USP24: variants seen among roughly 807,000 people sequenced by gnomAD.
USP24 encodes ubiquitin specific peptidase 24.
USP24 carries 97 observed loss-of-function variants against 361.6 expected under a neutral mutation model. The observed-to-expected ratio is 0.27, with a 90% CI of 0.23 to 0.32. The LOEUF (loss-of-function observed/expected upper bound fraction) is 0.32, where lower values mean the gene tolerates loss of function less well. Among genes scored for constraint, USP24 ranks in the 10% least tolerant of loss-of-function variants. The pLI is 1.00. For missense variants in USP24, 2,353 were observed against 3,165.6 expected (o/e 0.74, Z 6.16); for synonymous variants, 1,098 against 1,124.6 (o/e 0.98, Z 0.47).
intron 59 of USP24, 139 bp from the exon 60 acceptor site, chr1:55,079,798 ACTCACACACTGAG>A: frequency 2.6e-6 from 3 of 1,145,656 alleles, no homozygotes; most frequent in Non-Finnish European, 3.5e-6. Flanking sequence ...CACACTGAGT[ACTCACACACTGAG>A]TACTCGCAGA....
intron 7 of USP24, among the ~76,000 whole-genome samples, chr1:55,164,231 AAGAG>A (rs1336375774): frequency 7.9e-5 from 12 of 151,734 alleles, no homozygotes; most frequent in Middle Eastern, 3.4e-3. Flanking sequence ...TTAGGAGAAA[AAGAG>A]AGAGAGAGAA....
intron 20 of USP24, 145 bp from the exon 21 acceptor site, chr1:55,144,348 A>G (rs907373132): frequency 8.3e-6 from 4 of 481,180 alleles, no homozygotes; most frequent in Non-Finnish European, 1.5e-5. Context: ...AAGCAACAAA[A>G]GAAAATATTA....
At chr1:55,100,993 G>T (rs761770461) in intron 43 of USP24, 29 bp from the exon 44 acceptor site, 45 of 1,601,054 alleles carry the variant, frequency 2.8e-5, no homozygotes, top group Non-Finnish European at 3.1e-5. Context: ...TATCAAGCTT[G>T]AAATATTTAA....
chr1:55,137,042 A>G (rs1382848859), intron 28 of USP24, among the ~76,000 whole-genome samples: 6 of 152,290 alleles, frequency 3.9e-5, no homozygotes, highest in Non-Finnish European at 7.4e-5. Context: ...AGAAATTGGC[A>G]AAGGAGACCA....
Position 55,134,061 on chromosome 1 carries a change from T to C in USP24, c.3381+9A>G, listed in dbSNP as rs767329276. 14 of 1,611,914 alleles carry C rather than the reference T, an allele frequency of 8.7e-6. No homozygotes were observed. Among genetic ancestry groups the C allele is most frequent in the Non-Finnish European group, 1.1e-5 (13 of 1,178,642 alleles). Reference sequence around the variant, plus strand: ...TAAAATTGCCATGCTAGTTAAAAAATACTCATACCTTTCTTCCTAAAGAAT... The same window carrying C: ...TAAAATTGCCATGCTAGTTAAAAAACACTCATACCTTTCTTCCTAAAGAAT... On this transcript the variant is annotated intron_variant, in intron 30 of 67. Coordinates refer to ENST00000294383, the MANE Select transcript of USP24 (RefSeq NM_015306.3).
At chr1:55,171,528 T>C (rs772724753) in intron 5 of USP24, 28 bp downstream of exon 5, 4 of 1,584,698 alleles carry the variant, frequency 2.5e-6, no homozygotes, top group South Asian at 2.3e-5. Context: ...CATTTTTCTA[T>C]AAAAAGATGA....
chr1:55,091,215 G>A (rs150975200), intron 54 of USP24, among the ~76,000 whole-genome samples: 8 of 146,412 alleles, frequency 5.5e-5, no homozygotes, highest in African/African-American at 1.7e-4. Context: ...GAACAGGGCC[G>A]CACAGCAGGA....
At chr1:55,133,908 C>T (rs1423861711) in intron 30 of USP24, among the ~76,000 whole-genome samples, 162 bp downstream of exon 30, 1 of 152,152 alleles carries the variant, frequency 6.6e-6, no homozygotes, top group East Asian at 1.9e-4. Context: ...GTTGGAATTA[C>T]AGGCGTGAGC....
chr1:55,074,604 A>G (rs1286730192), intron 63 of USP24, among the ~76,000 whole-genome samples: 1 of 151,974 alleles, frequency 6.6e-6, no homozygotes, highest in East Asian at 1.9e-4. Flanking sequence ...ACTGCACTCT[A>G]GACTGGAAGA....
intron 1 of USP24, among the ~76,000 whole-genome samples, chr1:55,191,641 C>T (rs1480552851): frequency 2.0e-5 from 3 of 152,028 alleles, no homozygotes; most frequent in South Asian, 2.1e-4. Context: ...CAGGCGCCTG[C>T]CACCACGTCC....
At chr1:55,171,766 T>G (rs1649475411) in intron 4 of USP24, 88 bp from the exon 5 acceptor site, 1 of 1,381,484 alleles carries the variant, frequency 7.2e-7, no homozygotes, top group Non-Finnish European at 9.8e-7. Flanking sequence ...AATATAGCCT[T>G]TGACTCCCCT....
intron 28 of USP24, among the ~76,000 whole-genome samples, chr1:55,135,101 T>A (rs1236308464): frequency 6.6e-6 from 1 of 152,180 alleles, no homozygotes; most frequent in Non-Finnish European, 1.5e-5. Flanking sequence ...GCTGCTATAA[T>A]ATCATTCTGA....
At chr1:55,158,266 G>A (rs890708741) in intron 10 of USP24, among the ~76,000 whole-genome samples, 1 of 152,122 alleles carries the variant, frequency 6.6e-6, no homozygotes, top group African/African-American at 2.4e-5. Context: ...AAATAACCCA[G>A]CCTCTTTTCA....
chr1:55,150,402 TAGAATCAC>T (rs1647160571), intron 16 of USP24, among the ~76,000 whole-genome samples: 1 of 152,174 alleles, frequency 6.6e-6, no homozygotes, highest in African/African-American at 2.4e-5. Flanking sequence ...ACTGGCATCT[TAGAATCAC>T]AGAAATAAGG....
Position 55,143,125 on chromosome 1 carries a change from CA to C in USP24, c.2440-7del, listed in dbSNP as rs1557627495. ...AATTCCAGCTTTTCTACATACTGTT[CA>C]AAAGAAAAAAAATTAAATTATAAAG... On this transcript the variant is annotated splice_region_variant and splice_polypyrimidine_tract_variant and intron_variant, in intron 21 of 67. Transcript: ENST00000294383. The C allele has an allele frequency of 6.8e-7, 1 of 1,461,268 alleles. No individual in the cohort carries two copies. The highest frequency in any genetic ancestry group is 2.7e-5 in the East Asian group (1 of 36,960). 90.5% of individuals were successfully genotyped at this position (1,461,268 alleles called of 1,614,324 possible). A position where few individuals can be genotyped will look rare whatever the true frequency, so the allele number is the denominator to read the frequency against.
chr1:55,083,137 C>A, intron 58 of USP24, 135 bp downstream of exon 58: 2 of 751,038 alleles, frequency 2.7e-6, no homozygotes, highest in South Asian at 2.6e-5. Context: ...AATTTAACTC[C>A]AAAGAATTTT....
intron 5 of USP24, among the ~76,000 whole-genome samples, chr1:55,170,606 G>A (rs1281614204): frequency 6.6e-6 from 1 of 152,134 alleles, no homozygotes; most frequent in Non-Finnish European, 1.5e-5. Flanking sequence ...GGTAAAAATA[G>A]TACCCAACTC....
chr1:55,107,628 G>A (rs993088213), intron 39 of USP24, among the ~76,000 whole-genome samples, 198 bp from the exon 40 acceptor site: 1 of 151,954 alleles, frequency 6.6e-6, no homozygotes, highest in African/African-American at 2.4e-5. Context: ...CGGATCATGA[G>A]GTCAGGAGTT....
At position 55,067,160 on chromosome 1, in the gene USP24, T is replaced by C. The variant is rs1189827219; in HGVS notation, c.*1885A>G. ...CTAGAAGTGGCAATTTCACTCCTGA[T>C]TTTGGGCTCCTGAGAGTGCAGTCGC... On this transcript the variant is annotated 3_prime_UTR_variant, in exon 68 of 68. Coordinates refer to ENST00000294383, the MANE Select transcript of USP24 (RefSeq NM_015306.3). 3 of 152,184 alleles carry C rather than the reference T, an allele frequency of 2.0e-5. No individual in the cohort carries two copies. 9.4% of individuals were successfully genotyped at this position (152,184 alleles called of 1,614,324 possible).
Sources: gnomAD v4.1 joint callset for allele counts (sites outside exome capture counted in the v4.1 genomes callset) on GRCh38, gnomAD v4.1.1 for gene constraint, MANE v1.5 for transcripts, NCBI Gene and HGNC (gene_info 2026-07-23, HGNC 2026-07-21) for gene names.